CCDC146: variants seen among roughly 807,000 people sequenced by gnomAD.
The protein encoded by CCDC146 is coiled-coil domain-containing protein 146.
In CCDC146, 92 loss-of-function variants were observed where a neutral mutation model predicts 119.3. The ratio of observed to expected loss-of-function variants is 0.77; its 90% confidence interval spans 0.65 to 0.92. The LOEUF (loss-of-function observed/expected upper bound fraction) is 0.92. Among genes scored for constraint, CCDC146 ranks in the 40% least tolerant of loss-of-function variants. The pLI, the probability that CCDC146 is intolerant of heterozygous loss-of-function variation, is 0.00. For missense variants in CCDC146, 1,000 were observed against 1,103.0 expected (o/e 0.91, Z 1.32); for synonymous variants, 372 against 371.8 (o/e 1.00, Z -0.01).
At position 77,253,705 on chromosome 7, in the gene CCDC146, G is replaced by A. The variant is rs546241907; in HGVS notation, c.450-801G>A. Among the ~76,000 whole-genome samples the A allele has an allele frequency of 4.6e-5, 7 of 152,330 alleles. No homozygotes were observed. The East Asian group carries it at 1.2e-3, about 25-fold the overall frequency. On this transcript the variant is annotated intron_variant, in intron 4 of 18. Transcript: ENST00000285871. ...ATAATGTCAGGTCATGATGAATACT[G>A]TATAGAAAAGTAAAGCAAAACAAGG...
At chr7:77,182,931 A>G (rs1791611556) in intron 2 of CCDC146, among the ~76,000 whole-genome samples, 1 of 152,020 alleles carries the variant, frequency 6.6e-6, no homozygotes, top group Admixed American at 6.6e-5. Flanking sequence ...CACCAGAGAA[A>G]CCCCTGCTCT....
rs148553137 is a variant in CCDC146, at chr7:77,256,971, T to C, written c.684+462T>C. On this transcript the variant is annotated intron_variant, in intron 6 of 18. Transcript: ENST00000285871. ...ATACAAAAATTAGCCGGGTGTGTGA[T>C]GGTGGATGCCTCTAATCCCAGCTAC... 5.3e-3 allele frequency among the ~76,000 whole-genome samples: 806 copies of C among 152,190 alleles called. 3 individuals carry two copies. Among genetic ancestry groups the C allele is most frequent in the African/African-American group, 0.019 (791 of 41,528 alleles).
chr7:77,142,473 T>C (rs1044779586), intron 1 of CCDC146, among the ~76,000 whole-genome samples: 1 of 151,830 alleles, frequency 6.6e-6, no homozygotes. Context: ...GCAGGTTTGT[T>C]ACATCTGTAT....
intron 2 of CCDC146, among the ~76,000 whole-genome samples, chr7:77,189,253 C>A (rs11505820): frequency 0.074 from 11,214 of 152,122 alleles, 1,389 homozygotes; most frequent in African/African-American, 0.25. Flanking sequence ...CCTGGCAGCT[C>A]CATCCTTCAC....
intron 1 of CCDC146, among the ~76,000 whole-genome samples, chr7:77,145,039 G>A (rs1425144811): frequency 1.8e-4 from 27 of 151,724 alleles, no homozygotes; most frequent in Admixed American, 2.6e-4. Context: ...CTGTGAATCC[G>A]TCTGGTCCTG....
At chr7:77,139,566 G>C (rs1468267474) in intron 1 of CCDC146, among the ~76,000 whole-genome samples, 1 of 152,216 alleles carries the variant, frequency 6.6e-6, no homozygotes, top group African/African-American at 2.4e-5. Flanking sequence ...TAACAAATGT[G>C]CCACTCTGGT....
At chr7:77,185,498 G>C (rs1024205644) in intron 2 of CCDC146, among the ~76,000 whole-genome samples, 2 of 152,188 alleles carry the variant, frequency 1.3e-5, no homozygotes, top group African/African-American at 4.8e-5. Context: ...TATCAAGGTA[G>C]TATCTCAGTG....
intron 14 of CCDC146, chr7:77,282,295 A>C: frequency 2.8e-6 from 1 of 351,562 alleles, no homozygotes; most frequent in Non-Finnish European, 5.1e-6. Flanking sequence ...CCCCAGGAAA[A>C]CCTTTGGGAC....
At chr7:77,211,979 C>G (rs550147633) in intron 2 of CCDC146, among the ~76,000 whole-genome samples, 48 of 152,252 alleles carry the variant, frequency 3.2e-4, no homozygotes, top group African/African-American at 1.1e-3. Flanking sequence ...TGTGAAACTC[C>G]AGGAGTGTTC....
At chr7:77,140,173 G>A (rs550677936) in intron 1 of CCDC146, among the ~76,000 whole-genome samples, 2 of 151,728 alleles carry the variant, frequency 1.3e-5, no homozygotes, top group African/African-American at 2.4e-5. Context: ...GGGATTAAAG[G>A]CATGAGCCAC....
chr7:77,146,562 C>T (rs1791023164), intron 1 of CCDC146, among the ~76,000 whole-genome samples: 1 of 152,090 alleles, frequency 6.6e-6, no homozygotes, highest in Non-Finnish European at 1.5e-5. Context: ...TGTTCCTTTC[C>T]ATGTTTAGTG....
chr7:77,131,160 C>G (rs367855823), intron 1 of CCDC146, among the ~76,000 whole-genome samples: 1,815 of 152,028 alleles, frequency 0.012, 43 homozygotes, highest in African/African-American at 0.042. Context: ...GGATTACAGG[C>G]ATGAACAGCA....
At chr7:77,280,900 GAGACC>G (rs1336558739) in intron 14 of CCDC146, among the ~76,000 whole-genome samples, 1 of 152,056 alleles carries the variant, frequency 6.6e-6, no homozygotes, top group African/African-American at 2.4e-5. Context: ...TCAGGAGTTC[GAGACC>G]AGCCTGGGCA....
chr7:77,136,306 CAG>C (rs1180054474), intron 1 of CCDC146, among the ~76,000 whole-genome samples: 3 of 152,036 alleles, frequency 2.0e-5, no homozygotes, highest in Non-Finnish European at 4.4e-5. Context: ...AAATTGAAAA[CAG>C]GGAATCAGTA....
At chr7:77,178,221 T>C (rs983872354) in intron 2 of CCDC146, among the ~76,000 whole-genome samples, 1 of 152,198 alleles carries the variant, frequency 6.6e-6, no homozygotes, top group Non-Finnish European at 1.5e-5. Flanking sequence ...ACATGGAGAT[T>C]GATTTTGGCC....
At chr7:77,148,785 C>T (rs543136716) in intron 1 of CCDC146, among the ~76,000 whole-genome samples, 1,628 of 152,048 alleles carry the variant, frequency 0.011, 22 homozygotes, top group African/African-American at 0.037. Context: ...ATGTGAAGAA[C>T]CTCTTCATAG....
At chr7:77,126,239 A>G (rs898343147) in intron 1 of CCDC146, among the ~76,000 whole-genome samples, 3 of 151,982 alleles carry the variant, frequency 2.0e-5, no homozygotes, top group Non-Finnish European at 2.9e-5. Flanking sequence ...TGATTTATTG[A>G]TATGTGTATT....
intron 4 of CCDC146, among the ~76,000 whole-genome samples, chr7:77,250,034 A>T (rs1306733698): frequency 4.6e-5 from 7 of 152,214 alleles, no homozygotes; most frequent in Non-Finnish European, 8.8e-5. Context: ...CAACTAATTT[A>T]AGACCATTTT....
chr7:77,215,784 T>TA (rs1047879526), intron 2 of CCDC146, among the ~76,000 whole-genome samples: 1 of 151,782 alleles, frequency 6.6e-6, no homozygotes. Context: ...AATGTGATTA[T>TA]AAAAAAAATA....
Sources: allele counts gnomAD v4.1 joint callset (sites outside exome capture counted in the v4.1 genomes callset), GRCh38; gene constraint gnomAD v4.1.1; transcripts MANE v1.5; gene names NCBI Gene and HGNC (gene_info 2026-07-23, HGNC 2026-07-21).